The following TFB1M variants were observed in gnomAD, a reference collection of about 807,000 sequenced individuals.
The protein encoded by TFB1M is transcription factor B1, mitochondrial.
A neutral mutation model predicts 31.1 loss-of-function variants in TFB1M; 27 were observed. The observed-to-expected ratio is 0.87, with a 90% CI of 0.64 to 1.20. The LOEUF is 1.20. TFB1M is among the 50% of genes most tolerant of loss of function. The pLI, the probability that TFB1M is intolerant of heterozygous loss-of-function variation, is 0.00. For synonymous variants in TFB1M, 166 were observed against 151.8 expected (o/e 1.09, Z -0.69); for missense variants, 394 against 418.7 (o/e 0.94, Z 0.51).
Position 155,314,046 on chromosome 6 carries a change from C to T in TFB1M, c.133+250G>A, listed in dbSNP as rs755130835. The T allele has an allele frequency of 4.4e-6, 6 of 1,367,608 alleles. No individual in the cohort carries two copies. In the South Asian group the frequency reaches 4.5e-5, roughly 10 times the overall value. 84.7% of individuals were successfully genotyped at this position (1,367,608 alleles called of 1,614,324 possible). ...CATGAACCCTTCCTCCCCTAGGGAGCTTGGCATTTATGCAGCCTGCCGGCA... is the reference window on the plus strand; with the variant it reads ...CATGAACCCTTCCTCCCCTAGGGAGTTTGGCATTTATGCAGCCTGCCGGCA... On this transcript the variant is annotated intron_variant, in intron 1 of 6. Transcript: ENST00000367166.
At chr6:155,289,677 A>C (rs2114754113) in intron 4 of TFB1M, among the ~76,000 whole-genome samples, 1 of 152,342 alleles carries the variant, frequency 6.6e-6, no homozygotes, top group African/African-American at 2.4e-5. Context: ...AAAATACAAA[A>C]TTACATATAC....
At position 155,256,306 on chromosome 6, in the gene TFB1M, CA is replaced by C; in HGVS notation, c.*1529del. 1.1e-6 allele frequency: 1 copy of C among 909,694 alleles called. No individual in the cohort carries two copies. The allele number at this position is 909,694 out of a possible 1,614,324, so 56.4% of individuals were successfully genotyped here. On this transcript the variant is annotated 3_prime_UTR_variant, in exon 7 of 7. Coordinates refer to ENST00000367166, the MANE Select transcript of TFB1M (RefSeq NM_016020.4). ...CTAACTTACAACTGTAAACCTAAGT[CA>C]AAAATGTCCATGTTTTCAGTAGCTA...
downstream of TFB1M, chr6:155,251,137 T>A (rs1783631187): frequency 1.2e-6 from 1 of 867,830 alleles, no homozygotes; most frequent in East Asian, 2.5e-5. Flanking sequence ...ATTGCTATAA[T>A]GGTTGGGGAC....
chr6:155,262,328 T>C (rs1309822099), intron 5 of TFB1M, among the ~76,000 whole-genome samples: 2 of 152,204 alleles, frequency 1.3e-5, no homozygotes, highest in East Asian at 3.9e-4. Flanking sequence ...CTCTGAACTA[T>C]CCTGCCTACC....
rs1456817313 is a variant in TFB1M at position 155,258,090 on chromosome 6, G to GAAGAC, written c.795-13_795-9dup. 3 of 1,614,008 alleles carry GAAGAC rather than the reference G, an allele frequency of 1.9e-6. No homozygotes were observed. The highest frequency in any genetic ancestry group is 3.3e-5 in the Admixed American group (2 of 60,002). On this transcript the variant is annotated splice_polypyrimidine_tract_variant and intron_variant, in intron 6 of 6. Coordinates refer to ENST00000367166, the MANE Select transcript of TFB1M (RefSeq NM_016020.4). ...GCTTCAGGGAATAACATTCTGAGGG[G>GAAGAC]AAGACAGACAGACAGAAAAATAAGA...
the TFB1M span, chr6:155,232,538 A>G: frequency 6.6e-6 from 1 of 152,160 alleles, no homozygotes; most frequent in African/African-American, 2.4e-5. Flanking sequence ...CTAGCATTCT[A>G]TTTCGGTGCA....
At chr6:155,272,226 T>C (rs1784950571) in intron 5 of TFB1M, among the ~76,000 whole-genome samples, 1 of 152,202 alleles carries the variant, frequency 6.6e-6, no homozygotes, top group African/African-American at 2.4e-5. Context: ...TCTTAATGCT[T>C]AGAGATCTAA....
chr6:155,240,814 C>G, the TFB1M span: 1 of 1,207,094 alleles, frequency 8.3e-7, no homozygotes, highest in Non-Finnish European at 1.1e-6. Flanking sequence ...CCTGCCACTC[C>G]CCAGGGGGGG....
downstream of TFB1M, chr6:155,253,255 G>C (rs1176092797): frequency 6.0e-6 from 3 of 500,980 alleles, no homozygotes; most frequent in African/African-American, 3.9e-5. Flanking sequence ...CTTTTTCTTT[G>C]CCAAATGCCT....
At chr6:155,305,376 A>AT (rs1379187510) in intron 2 of TFB1M, among the ~76,000 whole-genome samples, 1 of 32,670 alleles carries the variant, frequency 3.1e-5, no homozygotes, top group Non-Finnish European at 4.7e-5. Flanking sequence ...ATATAAATAT[A>AT]TATTAAATTG....
intron 4 of TFB1M, among the ~76,000 whole-genome samples, chr6:155,286,682 T>TA (rs1776673234): frequency 6.7e-6 from 1 of 149,234 alleles, no homozygotes; most frequent in African/African-American, 2.5e-5. Flanking sequence ...TATATATATA[T>TA]TTTTTTGATC....
At chr6:155,283,309 C>G (rs1014927239) in intron 5 of TFB1M, among the ~76,000 whole-genome samples, 2 of 152,120 alleles carry the variant, frequency 1.3e-5, no homozygotes, top group East Asian at 3.9e-4. Context: ...TGCACACCTA[C>G]AAGTCCTTGA....
Position 155,314,102 on chromosome 6 carries a change from G to A in TFB1M, c.133+194C>T, listed in dbSNP as rs1349642949. 1.0e-5 allele frequency: 15 copies of A among 1,462,776 alleles called. No individual in the cohort carries two copies. In the South Asian group the frequency reaches 1.6e-4, roughly 16 times the overall value. The allele number at this position is 1,462,776 out of a possible 1,614,324, so 90.6% of individuals were successfully genotyped here. ...CACCCCCCCGAACGCGGAGTTTTGTGAGCAATCAACGCACTTCACGTGTCT... is the reference window on the plus strand; with the variant it reads ...CACCCCCCCGAACGCGGAGTTTTGTAAGCAATCAACGCACTTCACGTGTCT... On this transcript the variant is annotated intron_variant, in intron 1 of 6. Transcript: ENST00000367166.
the TFB1M span, among the ~76,000 whole-genome samples, chr6:155,230,212 C>T: frequency 6.6e-6 from 1 of 152,240 alleles, no homozygotes; most frequent in Non-Finnish European, 1.5e-5. Context: ...CTGAGCTCGT[C>T]TCCTTCACAG....
intron 5 of TFB1M, chr6:155,275,667 C>T (rs1785156383): frequency 2.0e-6 from 3 of 1,494,222 alleles, no homozygotes; most frequent in Middle Eastern, 1.8e-4. Flanking sequence ...TTCTGACAGC[C>T]ATCATTGTTA....
At chr6:155,297,943 GA>G (rs1428925875) in intron 3 of TFB1M, among the ~76,000 whole-genome samples, 1 of 152,216 alleles carries the variant, frequency 6.6e-6, no homozygotes, top group Admixed American at 6.5e-5. Flanking sequence ...GCCAGATGTG[GA>G]GGCACCTAAG....
At chr6:155,280,103 T>A (rs537598988) in intron 5 of TFB1M, among the ~76,000 whole-genome samples, 1 of 152,236 alleles carries the variant, frequency 6.6e-6, no homozygotes, top group South Asian at 2.1e-4. Context: ...CTATTAAATG[T>A]TCCTGGTTGA....
chr6:155,240,032 C>T, the TFB1M span, among the ~76,000 whole-genome samples: 1 of 152,230 alleles, frequency 6.6e-6, no homozygotes, highest in African/African-American at 2.4e-5. Flanking sequence ...ACTCCTGGCC[C>T]ACTGTGGCCA....
intron 2 of TFB1M, among the ~76,000 whole-genome samples, chr6:155,298,992 A>G (rs1441517418): frequency 6.6e-6 from 1 of 152,170 alleles, no homozygotes; most frequent in African/African-American, 2.4e-5. Context: ...AATTTAACTA[A>G]ATCTTTATAG....
Sources: allele counts gnomAD v4.1 joint callset (sites outside exome capture counted in the v4.1 genomes callset), GRCh38; gene constraint gnomAD v4.1.1; transcripts MANE v1.5; gene names NCBI Gene and HGNC (gene_info 2026-07-23, HGNC 2026-07-21).